WDR72: variants seen among roughly 807,000 people sequenced by gnomAD.
WDR72 encodes WD repeat-containing protein 72.
In WDR72, 120 loss-of-function variants were observed where a neutral mutation model predicts 124.2. That is an observed-to-expected ratio of 0.97 (90% confidence interval 0.83 to 1.12). WDR72 has a LOEUF of 1.12. Among genes scored for constraint, WDR72 ranks in the 50% most tolerant of loss-of-function variants. The pLI is 0.00. For synonymous variants in WDR72, 452 were observed against 441.7 expected (o/e 1.02, Z -0.29); for missense variants, 1,387 against 1,278.8 (o/e 1.08, Z -1.29).
At chr15:53,565,509 A>C (rs1894264340) in intron 18 of WDR72, among the ~76,000 whole-genome samples, 1 of 151,938 alleles carries the variant, frequency 6.6e-6, no homozygotes, top group Non-Finnish European at 1.5e-5. Flanking sequence ...CTCCTGTTCC[A>C]GTAAATTAAA....
At chr15:53,696,955 G>C (rs2017022184) in intron 13 of WDR72, among the ~76,000 whole-genome samples, 1 of 152,212 alleles carries the variant, frequency 6.6e-6, no homozygotes, top group African/African-American at 2.4e-5. Flanking sequence ...AAGAAGTGAA[G>C]AGGCACGTCA....
At chr15:53,687,837 A>G (rs1469722341) in intron 13 of WDR72, among the ~76,000 whole-genome samples, 1 of 149,686 alleles carries the variant, frequency 6.7e-6, no homozygotes, top group Non-Finnish European at 1.5e-5. Context: ...AAACAAATCC[A>G]GCAGCACATC....
intron 9 of WDR72, among the ~76,000 whole-genome samples, chr15:53,706,889 T>A (rs866456864): frequency 9.9e-5 from 15 of 152,114 alleles, no homozygotes; most frequent in Non-Finnish European, 1.8e-4. Context: ...ATATAACTTA[T>A]GATCTTGCTG....
chr15:53,521,600 T>C (rs1891799894), intron 19 of WDR72, among the ~76,000 whole-genome samples: 1 of 152,052 alleles, frequency 6.6e-6, no homozygotes, highest in Non-Finnish European at 1.5e-5. Context: ...TAAACACGTT[T>C]GTGTGTATCA....
intron 14 of WDR72, among the ~76,000 whole-genome samples, chr15:53,629,879 C>T (rs75606242): frequency 0.017 from 2,592 of 152,250 alleles, 88 homozygotes; most frequent in African/African-American, 0.06. Context: ...CGCATCCCCA[C>T]AAAATTGGCA....
At chr15:53,591,056 TAA>T (rs1299871111) in intron 18 of WDR72, among the ~76,000 whole-genome samples, 1 of 152,010 alleles carries the variant, frequency 6.6e-6, no homozygotes, top group Non-Finnish European at 1.5e-5. Flanking sequence ...GTGGTCTTAG[TAA>T]ACAGCTACCT....
intron 18 of WDR72, among the ~76,000 whole-genome samples, chr15:53,566,789 C>T (rs1003743652): frequency 2.6e-5 from 4 of 151,844 alleles, no homozygotes; most frequent in African/African-American, 4.8e-5. Context: ...ATTATTAATA[C>T]CCACTTTTTT....
At chr15:53,546,767 G>GA (rs1321936690) in intron 18 of WDR72, among the ~76,000 whole-genome samples, 1 of 151,898 alleles carries the variant, frequency 6.6e-6, no homozygotes, top group Non-Finnish European at 1.5e-5. Flanking sequence ...GAAGCAAAGG[G>GA]AAAATTCACA....
chr15:53,557,601 T>C (rs749751116), intron 18 of WDR72, among the ~76,000 whole-genome samples: 3 of 152,034 alleles, frequency 2.0e-5, no homozygotes, highest in Admixed American at 2.0e-4. Flanking sequence ...ACAGCTTACA[T>C]GGCACCTTTT....
At chr15:53,659,441 G>A (rs1045148559) in intron 14 of WDR72, among the ~76,000 whole-genome samples, 3 of 152,086 alleles carry the variant, frequency 2.0e-5, no homozygotes, top group Non-Finnish European at 4.4e-5. Flanking sequence ...CATGGCCAAC[G>A]AATGTTTAGA....
At chr15:53,594,037 G>T (rs2012643148) in intron 18 of WDR72, among the ~76,000 whole-genome samples, 1 of 151,880 alleles carries the variant, frequency 6.6e-6, no homozygotes, top group African/African-American at 2.4e-5. Context: ...CAGAAGAAGG[G>T]TCTTAGGGTT....
At chr15:53,634,819 G>C (rs2014565089) in intron 14 of WDR72, among the ~76,000 whole-genome samples, 1 of 152,228 alleles carries the variant, frequency 6.6e-6, no homozygotes, top group Admixed American at 6.5e-5. Flanking sequence ...CCAAGGTGGT[G>C]CCAGTAGGGC....
intron 14 of WDR72, among the ~76,000 whole-genome samples, chr15:53,633,941 G>A (rs1391371667): frequency 6.6e-6 from 1 of 151,968 alleles, no homozygotes; most frequent in Non-Finnish European, 1.5e-5. Flanking sequence ...GGCATACATT[G>A]AACTTTTTTT....
chr15:53,743,007 G>A (rs891599523), intron 1 of WDR72, among the ~76,000 whole-genome samples: 2 of 152,048 alleles, frequency 1.3e-5, no homozygotes, highest in Non-Finnish European at 2.9e-5. Context: ...CTTGACTGCA[G>A]CCTACTCAGA....
At chr15:53,580,599 C>A (rs544754849) in intron 18 of WDR72, among the ~76,000 whole-genome samples, 5 of 152,116 alleles carry the variant, frequency 3.3e-5, no homozygotes, top group Non-Finnish European at 4.4e-5. Flanking sequence ...AGAGGCACAG[C>A]ATCTTACAGA....
At chr15:53,696,615 A>G (rs1051125287) in intron 13 of WDR72, among the ~76,000 whole-genome samples, 5 of 152,220 alleles carry the variant, frequency 3.3e-5, no homozygotes, top group Non-Finnish European at 5.9e-5. Context: ...AGCTTTATGA[A>G]AATATAAATG....
At chr15:53,676,223 T>C (rs1308875070) in intron 13 of WDR72, among the ~76,000 whole-genome samples, 1 of 152,170 alleles carries the variant, frequency 6.6e-6, no homozygotes, top group East Asian at 1.9e-4. Flanking sequence ...GGAAGACTTC[T>C]ACTAATAATC....
intron 19 of WDR72, among the ~76,000 whole-genome samples, chr15:53,519,283 T>C (rs1891648644): frequency 6.6e-6 from 1 of 151,986 alleles, no homozygotes; most frequent in African/African-American, 2.4e-5. Context: ...CAGTAAGAAG[T>C]TAACCAGCAA....
chr15:53,567,455 C>CA (rs1233597430), intron 18 of WDR72, among the ~76,000 whole-genome samples: 6 of 151,936 alleles, frequency 3.9e-5, no homozygotes, highest in African/African-American at 1.4e-4. Context: ...AACAAACAAA[C>CA]AAAAAACCCT....
Sources: allele counts gnomAD v4.1 joint callset (sites outside exome capture counted in the v4.1 genomes callset), GRCh38; gene constraint gnomAD v4.1.1; transcripts MANE v1.5; gene names NCBI Gene and HGNC (gene_info 2026-07-23, HGNC 2026-07-21).